The following CHIT1 variants were observed in gnomAD, a reference collection of about 807,000 sequenced individuals.
CHIT1 encodes the protein chitotriosidase-1.
CHIT1 carries 47 observed loss-of-function variants against 52.0 expected under a neutral mutation model. The ratio of observed to expected loss-of-function variants is 0.90; its 90% CI spans 0.71 to 1.15. The LOEUF (loss-of-function observed/expected upper bound fraction) is 1.15, where lower values mean the gene tolerates loss of function less well. Among genes scored for constraint, CHIT1 ranks in the 50% most tolerant of loss-of-function variants. The probability of loss-of-function intolerance (pLI) is 0.00; values close to 1 mark genes in which losing one functional copy is unlikely to be tolerated. For missense variants in CHIT1, 569 were observed against 583.0 expected (o/e 0.98, Z 0.25); for synonymous variants, 242 against 228.2 (o/e 1.06, Z -0.54).
At chr1:203,218,119 G>A (rs1171005584) in intron 9 of CHIT1, 3 of 1,459,232 alleles carry the variant, frequency 2.1e-6, no homozygotes, top group East Asian at 3.1e-5. Context: ...CAGTCGGGAG[G>A]AATAGTGTCA....
Position 203,228,552 on chromosome 1 carries a change from G to C in CHIT1, c.36C>G (p.Val12=), listed in dbSNP as rs1310327709. 1 of 1,589,196 alleles carries C rather than the reference G, an allele frequency of 6.3e-7. No homozygotes were observed. Among genetic ancestry groups the C allele is most frequent in the South Asian group, 1.1e-5 (1 of 87,688 alleles). Residue 12 remains valine, a synonymous_variant, in exon 2 of 11, where the codon GTC becomes GTG. Coordinates refer to ENST00000367229, the MANE Select transcript of CHIT1 (RefSeq NM_003465.3). The part of the protein sequence containing the change: ...VRSVAWAGFM[V]LLMIPWGSAA... ...ACTTACCCCATGGGATCATCAGCAGGACCATGAAACCTGGAGCAACACAAG... is the reference window on the plus strand; with the variant it reads ...ACTTACCCCATGGGATCATCAGCAGCACCATGAAACCTGGAGCAACACAAG...
intron 9 of CHIT1, 92 bp from the exon 10 acceptor site, chr1:203,217,957 T>C (rs1427796907): frequency 2.6e-6 from 4 of 1,543,164 alleles, no homozygotes; most frequent in Non-Finnish European, 2.6e-6. Flanking sequence ...GGGCCCTTTT[T>C]GCTCCAGCAG....
Position 203,228,513 on chromosome 1 carries a change from C to A in CHIT1, c.55+20G>T, listed in dbSNP as rs377353584. 3 of 1,582,946 alleles carry A rather than the reference C, an allele frequency of 1.9e-6. No individual in the cohort carries two copies. Among genetic ancestry groups the A allele is most frequent in the Non-Finnish European group, 2.6e-6 (3 of 1,162,410 alleles). ...GAGCCCAGGGAAGGGGCTGAGGCAG[C>A]CAAGAAAGAGGCTACTTACCCCATG... On this transcript the variant is annotated intron_variant, in intron 2 of 10. Coordinates refer to ENST00000367229, the MANE Select transcript of CHIT1 (RefSeq NM_003465.3).
chr1:203,229,727 A>G, upstream of CHIT1: 1 of 1,397,544 alleles, frequency 7.2e-7, no homozygotes, highest in Non-Finnish European at 9.9e-7. Flanking sequence ...CACCCCAGCC[A>G]GGAGTGTTGC....
Position 203,217,057 on chromosome 1 carries a change from G to A in CHIT1, c.1233C>T (p.Gly411=). The change falls in exon 11 of 11, where the codon GGC becomes GGT. Residue 411 remains glycine (G), a synonymous_variant. Transcript: ENST00000367229. ...AGAACGTGTCTTGTCCAGGGCTGGG[G>A]CCATGCTCAGGTTCAGAGGGCTGAC... The part of the protein sequence containing the change: ...KPGQPSEPEH[G]PSPGQDTFCQ... 1 of 1,613,878 alleles carries A rather than the reference G, an allele frequency of 6.2e-7. No individual in the cohort carries two copies. The highest frequency in any genetic ancestry group is 8.5e-7 in the Non-Finnish European group (1 of 1,180,044).
rs1036519894 is a variant in CHIT1 at position 203,216,397 on chromosome 1, T to C, written c.*492A>G. On this transcript the variant is annotated 3_prime_UTR_variant, in exon 11 of 11. Transcript: ENST00000367229. ...TCTCTGCTGCCATCTAGTGGCATTTTGGGAATAACACGTGCGTGAAGGTCC... is the reference window on the plus strand; with the variant it reads ...TCTCTGCTGCCATCTAGTGGCATTTCGGGAATAACACGTGCGTGAAGGTCC... The C allele has an allele frequency of 1.8e-5, 8 of 454,098 alleles. No homozygotes were observed. The highest frequency in any genetic ancestry group is 1.6e-4 in the African/African-American group (8 of 49,994). 28.1% of individuals were successfully genotyped at this position (454,098 alleles called of 1,614,324 possible).
upstream of CHIT1, chr1:203,229,811 A>G (rs74136959): frequency 0.029 from 21,319 of 728,958 alleles, 1,521 homozygotes; most frequent in African/African-American, 0.19. Flanking sequence ...TGAATTGGGC[A>G]AACTTGACAC....
intron 3 of CHIT1, among the ~76,000 whole-genome samples, chr1:203,225,445 T>C (rs1403242567): frequency 6.6e-6 from 1 of 152,148 alleles, no homozygotes; most frequent in Non-Finnish European, 1.5e-5. Flanking sequence ...CTCACAATCC[T>C]GATCACACTT....
Position 203,216,743 on chromosome 1 carries a change from G to A in CHIT1, c.*146C>T. Reference sequence around the variant, plus strand: ...GGAGACCCAGAAAAAAGGAAGGCAAGGCTGAGAGCAGAAAGCCTGGATAAA... The same window carrying A: ...GGAGACCCAGAAAAAAGGAAGGCAAAGCTGAGAGCAGAAAGCCTGGATAAA... On this transcript the variant is annotated 3_prime_UTR_variant, in exon 11 of 11. Transcript: ENST00000367229. The A allele has an allele frequency of 9.1e-7, 1 of 1,099,784 alleles. No homozygotes were observed. The highest frequency in any genetic ancestry group is 1.4e-6 in the Non-Finnish European group (1 of 732,270). 68.1% of individuals were successfully genotyped at this position (1,099,784 alleles called of 1,614,324 possible).
In CHIT1 at chr1:203,229,542, T is replaced by C. The variant is rs951024510; in HGVS notation, c.25+70A>G. On this transcript the variant is annotated intron_variant, in intron 1 of 10. Transcript: ENST00000367229. ...CTGCTTCCTTGCAAATGGTAGCAAG[T>C]GGTCCCTGAACATCCACATCCCCAC... The C allele has an allele frequency of 6.4e-6, 10 of 1,569,692 alleles. No homozygotes were observed. The East Asian group carries it at 6.8e-5, about 11-fold the overall frequency.
intron 6 of CHIT1, 116 bp downstream of exon 6, chr1:203,223,019 G>T (rs552746288): frequency 3.6e-6 from 5 of 1,389,648 alleles, no homozygotes; most frequent in Non-Finnish European, 5.1e-6. Context: ...TGTAAGGATG[G>T]GACTTTCCAA....
chr1:203,219,446 A>C, intron 8 of CHIT1, 117 bp from the exon 9 acceptor site: 2 of 880,994 alleles, frequency 2.3e-6, no homozygotes, highest in Non-Finnish European at 3.8e-6. Context: ...AGCCTGGAGA[A>C]TCAGGAGGTT....
Position 203,219,189 on chromosome 1 carries a change from C to T in CHIT1, c.1029+27G>A, listed in dbSNP as rs746182748. On this transcript the variant is annotated intron_variant, in intron 9 of 10. Transcript: ENST00000367229. ...GACAGGACTTGTTCACTAGGACCACCCCTCTGCCAGCAGAGCTGGGCCTCA... is the reference window on the plus strand; with the variant it reads ...GACAGGACTTGTTCACTAGGACCACTCCTCTGCCAGCAGAGCTGGGCCTCA... 1.7e-5 allele frequency: 21 copies of T among 1,211,504 alleles called. No individual in the cohort carries two copies. The South Asian group carries it at 2.0e-4, about 12-fold the overall frequency. 75.0% of individuals were successfully genotyped at this position (1,211,504 alleles called of 1,614,324 possible). A position where few individuals can be genotyped will look rare whatever the true frequency, so the allele number is the denominator to read the frequency against.
intron 3 of CHIT1, 108 bp downstream of exon 3, chr1:203,225,561 A>T: frequency 8.7e-7 from 1 of 1,143,508 alleles, no homozygotes; most frequent in Non-Finnish European, 1.3e-6. Context: ...AAAGCCACAC[A>T]GTGGGTCTGT....
rs1656554547 is a variant in CHIT1, at chr1:203,216,978, A to T, written c.1312T>A (p.Tyr438Asn). Residue 438 changes from tyrosine (Y) to asparagine (N), a missense_variant, in exon 11 of 11, where the codon TAC becomes AAC. Transcript: ENST00000367229. ...YPNPRERSSFYSCAAGRLFQQ... is the reference protein window; with the variant it reads ...YPNPRERSSFNSCAAGRLFQQ... ...AACAGCCGCCCCGCTGCACAGCTGT[A>T]GAAGCTGGACCGTTCCCGAGGATTG... 1 of 1,614,218 alleles carries T rather than the reference A, an allele frequency of 6.2e-7. No homozygotes were observed. The highest frequency in any genetic ancestry group is 2.2e-5 in the East Asian group (1 of 44,886).
chr1:203,218,145 C>T (rs1656606339), intron 9 of CHIT1: 11 of 1,416,362 alleles, frequency 7.8e-6, no homozygotes, highest in Non-Finnish European at 1.0e-5. Flanking sequence ...GTGCACCTCC[C>T]TAAGTGGGAA....
chr1:203,225,247 A>G, intron 3 of CHIT1, 143 bp from the exon 4 acceptor site: 1 of 754,102 alleles, frequency 1.3e-6, no homozygotes, highest in Middle Eastern at 2.3e-4. Flanking sequence ...CATTCTGGGG[A>G]CAGCTGTAGA....
At chr1:203,229,707 C>T (rs11800196), upstream of CHIT1, 3,883 of 1,574,738 alleles carry the variant, frequency 2.5e-3, 78 homozygotes, top group African/African-American at 0.045. Flanking sequence ...TTTATCTGGC[C>T]ACCCTGTCCC....
At chr1:203,217,615 A>G (rs959959235) in intron 10 of CHIT1, 124 bp downstream of exon 10, 27 of 1,484,912 alleles carry the variant, frequency 1.8e-5, no homozygotes, top group Middle Eastern at 2.0e-4. Flanking sequence ...AGCTTGGGAA[A>G]TTACAGTATT....
Sources: gnomAD v4.1 joint callset for allele counts (sites outside exome capture counted in the v4.1 genomes callset) on GRCh38, gnomAD v4.1.1 for gene constraint, MANE v1.5 for transcripts, NCBI Gene and HGNC (gene_info 2026-07-23, HGNC 2026-07-21) for gene names.